The following BCL11B variants were observed in gnomAD, a reference collection of about 807,000 sequenced individuals.
BCL11B encodes BCL11 transcription factor B.
In BCL11B, 8 loss-of-function variants were observed where a neutral mutation model predicts 49.9. That is an observed-to-expected ratio of 0.16 (90% CI 0.09 to 0.29). The LOEUF is 0.29. Ranked by LOEUF, BCL11B falls within the 10% of genes least tolerant of loss-of-function variation. The pLI is 1.00. For missense variants in BCL11B, 1,006 were observed against 1,351.0 expected (o/e 0.74, Z 4.00); for synonymous variants, 739 against 637.4 (o/e 1.16, Z -2.40).
chr14:99,221,686 C>T (rs533017680), intron 3 of BCL11B, among the ~76,000 whole-genome samples: 4 of 152,378 alleles, frequency 2.6e-5, no homozygotes, highest in South Asian at 2.1e-4. Flanking sequence ...CCACCAGACG[C>T]GCAAGGAAAG....
At chr14:99,268,823 A>C (rs1595089150) in intron 1 of BCL11B, among the ~76,000 whole-genome samples, 1 of 149,468 alleles carries the variant, frequency 6.7e-6, no homozygotes, top group South Asian at 2.1e-4. Flanking sequence ...TTTTCTCTCC[A>C]CCTCTCTTCT....
chr14:99,183,707 CAG>C (rs1158053673), intron 3 of BCL11B, among the ~76,000 whole-genome samples: 1 of 152,060 alleles, frequency 6.6e-6, no homozygotes, highest in Non-Finnish European at 1.5e-5. Flanking sequence ...CGGGAGGTGA[CAG>C]AGACTGGAAC....
rs1308212203 is a variant in BCL11B, at chr14:99,271,075, C to A, written c.58+86G>T. 5.0e-6 allele frequency: 7 copies of A among 1,386,480 alleles called. No homozygotes were observed. The Admixed American group carries it at 1.3e-4, about 27-fold the overall frequency. 85.9% of individuals were successfully genotyped at this position (1,386,480 alleles called of 1,614,324 possible). A position where few individuals can be genotyped will look rare whatever the true frequency, so the allele number is the denominator to read the frequency against. ...CGGGCGGCCCCGGCGCCTGGCCAGG[C>A]TCGGCTGTTCCGGGCTCGGTGTCCC... On this transcript the variant is annotated intron_variant, in intron 1 of 3. Transcript: ENST00000357195.
At chr14:99,183,821 G>A (rs909188457) in intron 3 of BCL11B, among the ~76,000 whole-genome samples, 4 of 151,084 alleles carry the variant, frequency 2.6e-5, no homozygotes, top group African/African-American at 9.7e-5. Context: ...TCCACATGCC[G>A]CCCTCCACAC....
chr14:99,236,785 C>T (rs1460524564), intron 2 of BCL11B, among the ~76,000 whole-genome samples: 1 of 152,194 alleles, frequency 6.6e-6, no homozygotes, highest in Non-Finnish European at 1.5e-5. Flanking sequence ...CGCCCTCCAC[C>T]CATCCCAACG....
intron 3 of BCL11B, among the ~76,000 whole-genome samples, chr14:99,215,397 G>C (rs1887805273): frequency 6.6e-6 from 1 of 152,238 alleles, no homozygotes; most frequent in African/African-American, 2.4e-5. Flanking sequence ...GAAAACGCAA[G>C]CTTGCTTATT....
rs951466088 is a variant in BCL11B at position 99,205,898 on chromosome 14, G to A, written c.640+25447C>T. 1.4e-4 allele frequency among the ~76,000 whole-genome samples: 22 copies of A among 152,192 alleles called. No homozygotes were observed. The highest frequency in any genetic ancestry group is 5.9e-4 in the Admixed American group (9 of 15,280). Reference sequence around the variant, plus strand: ...TCATTGCAGAATCAAGTTGTTGAAGGAAGGTTAGCTCCAAAGAGGCAGCCC... The same window carrying A: ...TCATTGCAGAATCAAGTTGTTGAAGAAAGGTTAGCTCCAAAGAGGCAGCCC... On this transcript the variant is annotated intron_variant, in intron 3 of 3. Coordinates refer to ENST00000357195, the MANE Select transcript of BCL11B (RefSeq NM_138576.4). This position sits in a 1 kb window ranked among gnomAD's most constrained non-coding sequence, Gnocchi z 5.0.
At chr14:99,216,684 AG>A (rs1197037986) in intron 3 of BCL11B, among the ~76,000 whole-genome samples, 1 of 152,230 alleles carries the variant, frequency 6.6e-6, no homozygotes, top group Non-Finnish European at 1.5e-5. Flanking sequence ...CAGAAAGTTC[AG>A]GGAAGAAAAA....
chr14:99,208,972 C>T (rs775027508), intron 3 of BCL11B, among the ~76,000 whole-genome samples: 3 of 152,120 alleles, frequency 2.0e-5, no homozygotes, highest in Non-Finnish European at 2.9e-5. Context: ...AGGCTCCATG[C>T]GAGAGCCAGG....
intron 3 of BCL11B, among the ~76,000 whole-genome samples, chr14:99,224,478 C>T (rs1888103068): frequency 6.6e-6 from 1 of 152,186 alleles, no homozygotes; most frequent in South Asian, 2.1e-4. Context: ...CCTTCCTCTG[C>T]CTTCATTCAC....
intron 3 of BCL11B, among the ~76,000 whole-genome samples, chr14:99,208,493 G>C (rs1386980389): frequency 6.6e-6 from 1 of 152,178 alleles, no homozygotes; most frequent in Non-Finnish European, 1.5e-5. Context: ...CTTTCCCGAG[G>C]TCTCCTGAAG....
At chr14:99,266,866 G>T (rs1889498158) in intron 1 of BCL11B, among the ~76,000 whole-genome samples, 1 of 152,222 alleles carries the variant, frequency 6.6e-6, no homozygotes. Context: ...AAGCAATCGA[G>T]ATAGGAGATG....
chr14:99,236,523 C>T (rs1021403238), intron 2 of BCL11B, among the ~76,000 whole-genome samples: 3 of 152,172 alleles, frequency 2.0e-5, no homozygotes, highest in African/African-American at 7.2e-5. Flanking sequence ...TCAGGCCTGC[C>T]TGTTCTGGGT....
At position 99,257,970 on chromosome 14, in the gene BCL11B, C is replaced by T; in HGVS notation, c.59-131G>A. Reference sequence around the variant, plus strand: ...CCCTCTGCTGCTGGCTGCCAGAGCTCACCAGGTCCTCCCCGGGGTTGGGGG... The same window carrying T: ...CCCTCTGCTGCTGGCTGCCAGAGCTTACCAGGTCCTCCCCGGGGTTGGGGG... On this transcript the variant is annotated intron_variant, in intron 1 of 3. Coordinates refer to ENST00000357195, the MANE Select transcript of BCL11B (RefSeq NM_138576.4). The surrounding 1 kb of genome is among the most constrained non-coding windows in gnomAD (Gnocchi z 6.2). The T allele has an allele frequency of 8.6e-7, 1 of 1,157,164 alleles. No individual in the cohort carries two copies. Among genetic ancestry groups the T allele is most frequent in the African/African-American group, 1.5e-5 (1 of 64,652 alleles). 71.7% of individuals were successfully genotyped at this position (1,157,164 alleles called of 1,614,324 possible). A position where few individuals can be genotyped will look rare whatever the true frequency, so the allele number is the denominator to read the frequency against.
chr14:99,230,691 G>A (rs938336376), intron 3 of BCL11B, among the ~76,000 whole-genome samples: 4 of 152,178 alleles, frequency 2.6e-5, no homozygotes, highest in Admixed American at 6.5e-5. Flanking sequence ...CACACCGCCC[G>A]CCCGGGAGAG....
At chr14:99,187,709 G>C (rs1886895810) in intron 3 of BCL11B, among the ~76,000 whole-genome samples, 1 of 151,644 alleles carries the variant, frequency 6.6e-6, no homozygotes, top group African/African-American at 2.4e-5. Context: ...TGTGAGCGGG[G>C]ATCAGTGTGT....
chr14:99,193,899 C>A (rs1272313331), intron 3 of BCL11B, among the ~76,000 whole-genome samples: 1 of 152,200 alleles, frequency 6.6e-6, no homozygotes, highest in African/African-American at 2.4e-5. Context: ...GCAGGCTGAC[C>A]AATCTGAAGG....
chr14:99,226,459 G>A (rs889232874), intron 3 of BCL11B, among the ~76,000 whole-genome samples: 1 of 152,138 alleles, frequency 6.6e-6, no homozygotes, highest in Non-Finnish European at 1.5e-5. Flanking sequence ...GAATCAAGGC[G>A]ACGCATCAGC....
In BCL11B at chr14:99,173,678, A is replaced by C. The variant is rs1886366951; in HGVS notation, c.*473T>G. On this transcript the variant is annotated 3_prime_UTR_variant, in exon 4 of 4. Transcript: ENST00000357195. ...GTCATTTGAGTGTTGGCTTCTTCAC[A>C]AGAAATTACACATGCTTAGCTTAAA... is the stretch of plus-strand genomic sequence containing the variant. The C allele has an allele frequency of 4.4e-6, 1 of 227,798 alleles. No individual in the cohort carries two copies. The highest frequency in any genetic ancestry group is 8.7e-6 in the Non-Finnish European group (1 of 114,448). The allele number at this position is 227,798 out of a possible 1,614,324, so 14.1% of individuals were successfully genotyped here.
Sources: allele counts gnomAD v4.1 joint callset (sites outside exome capture counted in the v4.1 genomes callset), GRCh38; gene constraint gnomAD v4.1.1; non-coding constraint Gnocchi (gnomAD v3.1); transcripts MANE v1.5; gene names NCBI Gene and HGNC (gene_info 2026-07-23, HGNC 2026-07-21).